NKD2: variants seen among roughly 807,000 people sequenced by gnomAD.
The protein encoded by NKD2 is NKD inhibitor of Wnt signaling pathway 2.
Under a neutral mutation model 34.8 loss-of-function variants are expected in NKD2, and 43 were observed. The observed-to-expected ratio is 1.24, with a 90% confidence interval of 0.97 to 1.60. NKD2 has a LOEUF of 1.60. Ranked by LOEUF, NKD2 falls within the 40% of genes most tolerant of loss-of-function variation. The pLI is 0.00. For synonymous variants in NKD2, 278 were observed against 265.1 expected (o/e 1.05, Z -0.47); for missense variants, 675 against 627.1 (o/e 1.08, Z -0.82).
At chr5:1,033,671 A>C (rs1469984205) in intron 5 of NKD2, among the ~76,000 whole-genome samples, 172 bp downstream of exon 5, 7 of 152,236 alleles carry the variant, frequency 4.6e-5, no homozygotes, top group Admixed American at 4.6e-4. Flanking sequence ...GTGCAAGCCA[A>C]AGTCAGCAGG....
intron 3 of NKD2, among the ~76,000 whole-genome samples, chr5:1,016,949 CAG>C (rs1579250187): frequency 6.6e-6 from 1 of 151,796 alleles, no homozygotes; most frequent in Non-Finnish European, 1.5e-5. Flanking sequence ...CAAAGGATAA[CAG>C]AGCAGACCCC....
intron 3 of NKD2, among the ~76,000 whole-genome samples, chr5:1,026,583 A>ACCCGCTGTGGGCGTCTCAGCCCG (rs1756418601): frequency 2.1e-5 from 1 of 48,606 alleles, no homozygotes; most frequent in African/African-American, 6.4e-5. Context: ...GTCCCAGCCC[A>ACCCGCTGTGGGCGTCTCAGCCCG]TTGTCCCTGC....
chr5:1,014,904 G>A (rs573903323), intron 3 of NKD2, among the ~76,000 whole-genome samples: 21 of 152,338 alleles, frequency 1.4e-4, no homozygotes, highest in African/African-American at 2.4e-4. Flanking sequence ...TCATCCCATC[G>A]TTAGCAGAGG....
chr5:1,017,059 A>G (rs1030976753), intron 3 of NKD2, among the ~76,000 whole-genome samples: 1 of 152,178 alleles, frequency 6.6e-6, no homozygotes, highest in African/African-American at 2.4e-5. Flanking sequence ...ACAAAGGATA[A>G]CAGAGCCGAC....
At position 1,021,392 on chromosome 5, in the gene NKD2, C is replaced by T. The variant is rs1197666126; in HGVS notation, c.142-10760C>T. Among the ~76,000 whole-genome samples the T allele has an allele frequency of 2.8e-3, 321 of 114,316 alleles. 1 individual carries two copies. The highest frequency in any genetic ancestry group is 0.01 in the African/African-American group (299 of 28,530). The allele number at this position is 114,316 out of a possible 152,430, so 75.0% of individuals were successfully genotyped here. ...TCCACCCACCCACCCACCCACCCAC[C>T]CGTCCCAACCCCTGCCCCCGACCCA... On this transcript the variant is annotated intron_variant, in intron 3 of 9. Coordinates refer to ENST00000296849, the MANE Select transcript of NKD2 (RefSeq NM_033120.4).
rs1280211339 is a variant in NKD2, at chr5:1,037,999, A to C, written c.982A>C (p.Lys328Gln). Residue 328 changes from lysine (K) to glutamine (Q), a missense_variant, in exon 10 of 10, where the codon AAG becomes CAG. Transcript: ENST00000296849. Reference protein sequence around the residue: ...DTQPRPKGPEKQFLKSPKGSG... With the variant: ...DTQPRPKGPEQQFLKSPKGSG... ...GCAGCCCCGGCCGAAGGGGCCGGAGAAGCAGTTCCTCAAGTCCCCCAAGGG... is the reference window on the plus strand; with the variant it reads ...GCAGCCCCGGCCGAAGGGGCCGGAGCAGCAGTTCCTCAAGTCCCCCAAGGG... The C allele has an allele frequency of 6.2e-7, 1 of 1,607,438 alleles. No homozygotes were observed. Among genetic ancestry groups the C allele is most frequent in the East Asian group, 2.2e-5 (1 of 44,754 alleles).
rs1197361071 is a variant in NKD2 at position 1,038,185 on chromosome 5, A to G, written c.1168A>G (p.Arg390Gly). Reference sequence around the variant, plus strand: ...CCACAAGCGGTACCGCCAAAAGGGCAGGGAGGGCCACTCGCCACTCAAGGC... The same window carrying G: ...CCACAAGCGGTACCGCCAAAAGGGCGGGGAGGGCCACTCGCCACTCAAGGC... ...YGHKRYRQKG[R>G]EGHSPLKAPH... The change falls in exon 10 of 10, where the codon AGG becomes GGG. Residue 390 changes from arginine to glycine, a missense_variant. Transcript: ENST00000296849. This position sits in a 1 kb window ranked among gnomAD's most constrained non-coding sequence, Gnocchi z 4.5. 1.9e-6 allele frequency: 3 copies of G among 1,587,972 alleles called. No individual in the cohort carries two copies. The highest frequency in any genetic ancestry group is 2.6e-6 in the Non-Finnish European group (3 of 1,169,042).
chr5:1,033,288 G>A, intron 4 of NKD2, 84 bp from the exon 5 acceptor site: 1 of 1,292,664 alleles, frequency 7.7e-7, no homozygotes, highest in Admixed American at 2.1e-5. Flanking sequence ...GTGTGGTGAG[G>A]GGAGAGCAGC....
chr5:1,014,408 G>A (rs1431558559), intron 3 of NKD2, among the ~76,000 whole-genome samples: 2 of 152,220 alleles, frequency 1.3e-5, no homozygotes, highest in Admixed American at 1.3e-4. Flanking sequence ...GGCTGGTGCC[G>A]GCCAAGGCAG....
chr5:1,033,667 G>A (rs1756737501), intron 5 of NKD2, among the ~76,000 whole-genome samples, 168 bp downstream of exon 5: 1 of 152,226 alleles, frequency 6.6e-6, no homozygotes, highest in Non-Finnish European at 1.5e-5. Context: ...GAATGTGCAA[G>A]CCAAAGTCAG....
Position 1,038,724 on chromosome 5 carries a change from T to A in NKD2, c.*351T>A. On this transcript the variant is annotated 3_prime_UTR_variant, in exon 10 of 10. Transcript: ENST00000296849. This position sits in a 1 kb window ranked among gnomAD's most constrained non-coding sequence, Gnocchi z 4.5. ...GCAAGGAGTGCCCGGATGCTTGGGG[T>A]GGGTGTTCCTCCCGGGGCTTCAAGG... The A allele has an allele frequency of 1.9e-6, 1 of 537,356 alleles. No homozygotes were observed. The highest frequency in any genetic ancestry group is 3.4e-6 in the Non-Finnish European group (1 of 296,250). The allele number at this position is 537,356 out of a possible 1,614,324, so 33.3% of individuals were successfully genotyped here.
At chr5:1,012,629 G>A (rs1333733897) in intron 3 of NKD2, among the ~76,000 whole-genome samples, 1 of 152,260 alleles carries the variant, frequency 6.6e-6, no homozygotes, top group Non-Finnish European at 1.5e-5. Flanking sequence ...AACTCCATCT[G>A]CCCTCAGCAT....
intron 3 of NKD2, among the ~76,000 whole-genome samples, chr5:1,018,522 C>T (rs934203559): frequency 3.9e-5 from 6 of 152,326 alleles, no homozygotes; most frequent in East Asian, 3.9e-4. Flanking sequence ...TAGGTGGCAG[C>T]GGGCTCACGT....
rs773792484 is a variant in NKD2 at position 1,009,861 on chromosome 5, T to TGG, written c.141+303_141+304dup. On this transcript the variant is annotated intron_variant, in intron 3 of 9. Coordinates refer to ENST00000296849, the MANE Select transcript of NKD2 (RefSeq NM_033120.4). This position sits in a 1 kb window ranked among gnomAD's most constrained non-coding sequence, Gnocchi z 6.9. ...TTTCGGGCTGGAGGAGCTGGGCGAG[T>TGG]GGGAGGGGCTGGACCTAGACGTCCC... is the stretch of plus-strand genomic sequence containing the variant. Among the ~76,000 whole-genome samples the TGG allele has an allele frequency of 2.2e-3, 318 of 147,738 alleles. 2 individuals are homozygous for TGG. The highest frequency in any genetic ancestry group is 6.9e-3 in the African/African-American group (274 of 39,698).
intron 3 of NKD2, among the ~76,000 whole-genome samples, chr5:1,016,036 C>T (rs1355573236): frequency 2.6e-5 from 4 of 152,216 alleles, no homozygotes; most frequent in African/African-American, 7.2e-5. Flanking sequence ...GCTGGGTTAA[C>T]GCCGGAACCA....
At chr5:1,025,931 C>T (rs1756374894) in intron 3 of NKD2, among the ~76,000 whole-genome samples, 1 of 127,706 alleles carries the variant, frequency 7.8e-6, no homozygotes, top group African/African-American at 3.3e-5. Flanking sequence ...GCCCATTGTC[C>T]CTGCTCTTCC....
At chr5:1,016,296 A>C (rs181758861) in intron 3 of NKD2, among the ~76,000 whole-genome samples, 2 of 152,344 alleles carry the variant, frequency 1.3e-5, no homozygotes, top group Admixed American at 1.3e-4. Context: ...ATCTGCTTTC[A>C]TGTTGGCAAA....
chr5:1,026,710 C>T (rs1579264003), intron 3 of NKD2, among the ~76,000 whole-genome samples: 1 of 152,374 alleles, frequency 6.6e-6, no homozygotes, highest in East Asian at 1.9e-4. Flanking sequence ...CAAAGCTCCC[C>T]TCCCTGAGCC....
At chr5:1,025,961 A>G (rs1393781099) in intron 3 of NKD2, among the ~76,000 whole-genome samples, 1 of 115,974 alleles carries the variant, frequency 8.6e-6, no homozygotes, top group African/African-American at 3.6e-5. Context: ...TGGGCGTCTC[A>G]GCCCATTGTC....
Sources: allele counts gnomAD v4.1 joint callset (sites outside exome capture counted in the v4.1 genomes callset), GRCh38; gene constraint gnomAD v4.1.1; non-coding constraint Gnocchi (gnomAD v3.1); transcripts MANE v1.5; gene names NCBI Gene and HGNC (gene_info 2026-07-23, HGNC 2026-07-21).